Variants in MAGI3 observed in about 807,000 individuals in gnomAD.
MAGI3 encodes the protein membrane associated guanylate kinase, WW and PDZ domain containing 3, also known as membrane-associated guanylate kinase, WW and PDZ domain-containing protein 3.
In MAGI3, 43 loss-of-function variants were observed where a neutral mutation model predicts 121.8. The observed-to-expected ratio is 0.35, with a 90% CI of 0.28 to 0.46. MAGI3 has a LOEUF of 0.46. MAGI3 is among the 20% of genes least tolerant of loss of function. The probability of loss-of-function intolerance (pLI) is 1.00; values close to 1 mark genes in which losing one functional copy is unlikely to be tolerated. For missense variants in MAGI3, 1,547 were observed against 1,797.3 expected (o/e 0.86, Z 2.52); for synonymous variants, 553 against 639.3 (o/e 0.86, Z 2.04).
intron 1 of MAGI3, among the ~76,000 whole-genome samples, chr1:113,465,170 A>G (rs1378781435): frequency 6.6e-6 from 1 of 151,870 alleles, no homozygotes; most frequent in Non-Finnish European, 1.5e-5. Flanking sequence ...TTTTGCTTTG[A>G]TTTTTGTGTT....
chr1:113,674,013 G>A (rs535910485), intron 19 of MAGI3, among the ~76,000 whole-genome samples: 7 of 152,168 alleles, frequency 4.6e-5, no homozygotes, highest in African/African-American at 7.2e-5. Context: ...TTCGTATAGG[G>A]AACTGCAGAC....
chr1:113,456,807 C>A lies in MAGI3; in HGVS notation c.316+65458C>A, dbSNP rs531391289. 8.0e-5 allele frequency among the ~76,000 whole-genome samples: 12 copies of A among 149,724 alleles called. No homozygotes were observed. In the East Asian group the frequency reaches 2.1e-3, roughly 27 times the overall value. On this transcript the variant is annotated intron_variant, in intron 1 of 20. Coordinates refer to ENST00000307546, the MANE Select transcript of MAGI3 (RefSeq NM_001142782.2). ...TTGCTATATAATGAAATGATAGAGT[C>A]ATTTCTATGAAAATAGGATAAAATA...
At chr1:113,680,404 T>C (rs1182302078) in intron 19 of MAGI3, among the ~76,000 whole-genome samples, 1 of 152,148 alleles carries the variant, frequency 6.6e-6, no homozygotes, top group Admixed American at 6.5e-5. Context: ...GAAGAGACAA[T>C]GTCCAGGTTT....
At chr1:113,676,158 A>G (rs1310717022) in intron 19 of MAGI3, among the ~76,000 whole-genome samples, 1 of 152,142 alleles carries the variant, frequency 6.6e-6, no homozygotes, top group Non-Finnish European at 1.5e-5. Context: ...AATCCAATTA[A>G]ATGATAAATT....
At chr1:113,460,114 A>T (rs949418842) in intron 1 of MAGI3, among the ~76,000 whole-genome samples, 1 of 152,228 alleles carries the variant, frequency 6.6e-6, no homozygotes, top group East Asian at 1.9e-4. Flanking sequence ...GATTGGTTCA[A>T]CATACACAAA....
At chr1:113,597,528 A>T (rs1417202138) in intron 6 of MAGI3, among the ~76,000 whole-genome samples, 1 of 152,202 alleles carries the variant, frequency 6.6e-6, no homozygotes, top group African/African-American at 2.4e-5. Context: ...ACAAAAGAAG[A>T]TAAAAGAAGA....
intron 1 of MAGI3, among the ~76,000 whole-genome samples, chr1:113,514,180 C>A (rs1021263359): frequency 1.3e-5 from 2 of 152,190 alleles, no homozygotes; most frequent in African/African-American, 4.8e-5. Flanking sequence ...ATTGGTGGGA[C>A]TGTAAACTAG....
At chr1:113,651,683 G>T (rs1653177249) in intron 14 of MAGI3, among the ~76,000 whole-genome samples, 1 of 152,066 alleles carries the variant, frequency 6.6e-6, no homozygotes, top group South Asian at 2.1e-4. Flanking sequence ...TAGAGACGGG[G>T]TTTCACCACA....
At chr1:113,640,963 T>C (rs1652431206) in intron 9 of MAGI3, among the ~76,000 whole-genome samples, 1 of 132,200 alleles carries the variant, frequency 7.6e-6, no homozygotes, top group Non-Finnish European at 1.6e-5. Context: ...ATATTAAATA[T>C]ATATATGATA....
rs1373554136 is a variant in MAGI3 at position 113,621,068 on chromosome 1, A to G, written c.1171+1238A>G. 2.0e-5 allele frequency among the ~76,000 whole-genome samples: 3 copies of G among 152,184 alleles called. No homozygotes were observed. In the East Asian group the frequency reaches 5.8e-4, roughly 29 times the overall value. ...GGGAAATGTCAAGTGGGCAGGAGAA[A>G]TTTCAAAGCAGAAGAGATAGAAACT... On this transcript the variant is annotated intron_variant, in intron 8 of 20. Coordinates refer to ENST00000307546, the MANE Select transcript of MAGI3 (RefSeq NM_001142782.2).
chr1:113,415,980 T>TATATAC (rs78470696), intron 1 of MAGI3, among the ~76,000 whole-genome samples: 39,775 of 119,332 alleles, frequency 0.33, 9,865 homozygotes, highest in African/African-American at 0.59. Flanking sequence ...AAAACATTTA[T>TATATAC]ATATATTAAT....
chr1:113,619,261 G>A (rs1469256409), intron 7 of MAGI3, among the ~76,000 whole-genome samples: 2 of 152,108 alleles, frequency 1.3e-5, no homozygotes, highest in Non-Finnish European at 2.9e-5. Context: ...GCTACTGAAC[G>A]GATATAGGTG....
intron 1 of MAGI3, among the ~76,000 whole-genome samples, chr1:113,406,278 GAAA>G (rs764250269): frequency 1.3e-5 from 1 of 74,532 alleles, no homozygotes; most frequent in African/African-American, 4.9e-5. Flanking sequence ...TTTGTCTACA[GAAA>G]AAAAAAAAAA....
At chr1:113,512,225 A>G (rs928221624) in intron 1 of MAGI3, among the ~76,000 whole-genome samples, 6 of 152,248 alleles carry the variant, frequency 3.9e-5, no homozygotes, top group African/African-American at 1.4e-4. Context: ...TGTTAGATTT[A>G]TAAAATCAAA....
intron 6 of MAGI3, among the ~76,000 whole-genome samples, chr1:113,601,089 A>C (rs1649346741): frequency 1.3e-5 from 2 of 152,124 alleles, no homozygotes; most frequent in Non-Finnish European, 2.9e-5. Flanking sequence ...TTAAAGACTT[A>C]AATGTTAGAC....
At chr1:113,567,482 A>G (rs1413550463) in intron 2 of MAGI3, among the ~76,000 whole-genome samples, 3 of 152,116 alleles carry the variant, frequency 2.0e-5, no homozygotes, top group African/African-American at 7.2e-5. Flanking sequence ...CTACAGGCCA[A>G]TATCCCTGAT....
At chr1:113,602,128 C>T (rs1452617091) in intron 6 of MAGI3, among the ~76,000 whole-genome samples, 4 of 151,684 alleles carry the variant, frequency 2.6e-5, no homozygotes, top group South Asian at 2.1e-4. Flanking sequence ...TGCTAAATGA[C>T]GAGTTAATGG....
chr1:113,684,883 C>A lies in MAGI3; in HGVS notation c.*869C>A, dbSNP rs2101047149. ...TTGCTCTTTGAAGAAAAACCACCAACTATTTCTGGATATTTTGGCTGTACC... is the reference window on the plus strand; with the variant it reads ...TTGCTCTTTGAAGAAAAACCACCAAATATTTCTGGATATTTTGGCTGTACC... On this transcript the variant is annotated 3_prime_UTR_variant, in exon 21 of 21. Transcript: ENST00000307546. 1 of 152,472 alleles carries A rather than the reference C, an allele frequency of 6.6e-6. No individual in the cohort carries two copies. The highest frequency in any genetic ancestry group is 6.5e-5 in the Admixed American group (1 of 15,300). 9.4% of individuals were successfully genotyped at this position (152,472 alleles called of 1,614,324 possible).
intron 19 of MAGI3, among the ~76,000 whole-genome samples, chr1:113,675,911 A>T (rs183190395): frequency 9.2e-5 from 14 of 152,356 alleles, no homozygotes; most frequent in South Asian, 8.3e-4. Flanking sequence ...CATATGTAAT[A>T]TACATGGTCC....
Sources: gnomAD v4.1 joint callset for allele counts (sites outside exome capture counted in the v4.1 genomes callset) on GRCh38, gnomAD v4.1.1 for gene constraint, MANE v1.5 for transcripts, NCBI Gene and HGNC (gene_info 2026-07-23, HGNC 2026-07-21) for gene names.